Variants in IQSEC1 observed in about 807,000 individuals in gnomAD.
The protein encoded by IQSEC1 is IQ motif and SEC7 domain-containing protein 1.
Under a neutral mutation model 91.0 loss-of-function variants are expected in IQSEC1, and 31 were observed. That is an observed-to-expected ratio of 0.34 (90% CI 0.26 to 0.46). The LOEUF is 0.46. Ranked by LOEUF, IQSEC1 falls within the 20% of genes least tolerant of loss-of-function variation. IQSEC1 has a pLI of 1.00. For missense variants in IQSEC1, 1,388 were observed against 1,575.6 expected (o/e 0.88, Z 2.02); for synonymous variants, 699 against 662.6 (o/e 1.05, Z -0.84).
chr3:13,043,466 T>TGA (rs1704364625), intron 1 of IQSEC1, among the ~76,000 whole-genome samples: 2 of 152,288 alleles, frequency 1.3e-5, no homozygotes, highest in East Asian at 3.9e-4. Context: ...TTCCATGCAG[T>TGA]CTGCTCTCGG....
intron 2 of IQSEC1, among the ~76,000 whole-genome samples, chr3:13,132,285 T>C (rs2124919713): frequency 6.6e-6 from 1 of 152,374 alleles, no homozygotes; most frequent in South Asian, 2.1e-4. Flanking sequence ...CAACACTTTA[T>C]GAATCGTGAG....
At chr3:13,183,174 TAAACAAACAAACAAAC>T (rs60302548) in intron 1 of IQSEC1, among the ~76,000 whole-genome samples, 30 of 143,698 alleles carry the variant, frequency 2.1e-4, no homozygotes, top group African/African-American at 5.5e-4. Flanking sequence ...CACCAATAAA[TAAACAAACAAACAAAC>T]AAACAAACAA....
intron 2 of IQSEC1, among the ~76,000 whole-genome samples, chr3:13,132,071 T>C (rs1394582567): frequency 6.6e-6 from 1 of 152,236 alleles, no homozygotes; most frequent in Non-Finnish European, 1.5e-5. Context: ...AACTGTTCAC[T>C]GGATGCCAGA....
At chr3:13,035,030 A>G (rs1703984080) in intron 1 of IQSEC1, among the ~76,000 whole-genome samples, 1 of 152,124 alleles carries the variant, frequency 6.6e-6, no homozygotes, top group Admixed American at 6.5e-5. Context: ...CTCCTCCTCC[A>G]CTGACATCCC....
intron 1 of IQSEC1, among the ~76,000 whole-genome samples, chr3:12,972,581 C>T (rs914658994): frequency 3.9e-5 from 6 of 152,224 alleles, no homozygotes; most frequent in African/African-American, 4.8e-5. Flanking sequence ...ATTCATCTTA[C>T]GAAATGAGCA....
intron 1 of IQSEC1, among the ~76,000 whole-genome samples, chr3:13,174,944 G>C (rs1693698330): frequency 6.6e-6 from 1 of 151,838 alleles, no homozygotes; most frequent in Non-Finnish European, 1.5e-5. Context: ...CCTGGCTCCT[G>C]CTGGTCCCTC....
chr3:13,094,713 C>T (rs1705925349), intron 2 of IQSEC1, among the ~76,000 whole-genome samples: 1 of 152,172 alleles, frequency 6.6e-6, no homozygotes, highest in Admixed American at 6.5e-5. Context: ...GGACAGAGGG[C>T]TGCAGGGCTC....
At chr3:12,929,316 A>G (rs1468826664) in intron 3 of IQSEC1, among the ~76,000 whole-genome samples, 1 of 152,158 alleles carries the variant, frequency 6.6e-6, no homozygotes, top group African/African-American at 2.4e-5. Flanking sequence ...GGCTAGAAGA[A>G]CTCACCCGGG....
chr3:13,108,280 T>C (rs1051366887), intron 2 of IQSEC1, among the ~76,000 whole-genome samples: 1 of 152,226 alleles, frequency 6.6e-6, no homozygotes, highest in Non-Finnish European at 1.5e-5. Context: ...AATCATGACA[T>C]GGAATCCCTA....
chr3:13,047,433 C>G, intron 1 of IQSEC1: 1 of 973,682 alleles, frequency 1.0e-6, no homozygotes, highest in Non-Finnish European at 1.2e-6. Context: ...CAGTGAGGAC[C>G]TAAGGAGATC....
At chr3:13,200,480 AC>A (rs1240202664) in intron 1 of IQSEC1, among the ~76,000 whole-genome samples, 1 of 151,696 alleles carries the variant, frequency 6.6e-6, no homozygotes, top group Non-Finnish European at 1.5e-5. Flanking sequence ...TCTGTAACCA[AC>A]AACAACCTGA....
chr3:13,268,799 C>G (rs1425351922), intron 1 of IQSEC1, among the ~76,000 whole-genome samples: 1 of 152,084 alleles, frequency 6.6e-6, no homozygotes, highest in East Asian at 1.9e-4. Flanking sequence ...TAAATTTGGG[C>G]AGTTTGGTAG....
At chr3:13,146,195 C>T (rs892574816) in intron 2 of IQSEC1, among the ~76,000 whole-genome samples, 2 of 151,872 alleles carry the variant, frequency 1.3e-5, no homozygotes, top group South Asian at 4.2e-4. Context: ...CTATGTTGCC[C>T]AGGCTGGTCT....
chr3:12,938,049 C>T (rs1698361671), intron 2 of IQSEC1, among the ~76,000 whole-genome samples: 1 of 152,232 alleles, frequency 6.6e-6, no homozygotes, highest in African/African-American at 2.4e-5. Context: ...ACTCCCTGCA[C>T]CTTGCTCCTG....
Position 13,103,996 on chromosome 3 carries a change from C to T in IQSEC1, c.303-56474G>A, listed in dbSNP as rs534787054. On this transcript the variant is annotated intron_variant, in intron 2 of 15. Coordinates refer to the IQSEC1 transcript ENST00000648114. The surrounding 1 kb of genome is among the most constrained non-coding windows in gnomAD (Gnocchi z 4.1). ...TTTTATAGATGGGAAAACTCAGGCA[C>T]AGAGAGTTTCAATGACTTGCCCAAG... Among the ~76,000 whole-genome samples, 13 of 152,258 alleles carry T rather than the reference C, an allele frequency of 8.5e-5. No homozygotes were observed. The East Asian group carries it at 9.6e-4, about 11-fold the overall frequency.
intron 1 of IQSEC1, among the ~76,000 whole-genome samples, chr3:12,995,378 G>A (rs1473662005): frequency 6.6e-6 from 1 of 152,256 alleles, no homozygotes; most frequent in African/African-American, 2.4e-5. Context: ...ATCTGGGTCA[G>A]GTGAGAATGG....
intron 1 of IQSEC1, among the ~76,000 whole-genome samples, chr3:13,036,441 T>C (rs1165531639): frequency 2.0e-5 from 3 of 152,074 alleles, no homozygotes; most frequent in Admixed American, 6.6e-5. Flanking sequence ...AAAGTAATAA[T>C]AATAAACAAA....
chr3:12,905,798 T>C (rs914798784), intron 12 of IQSEC1, among the ~76,000 whole-genome samples: 7 of 152,234 alleles, frequency 4.6e-5, no homozygotes, highest in Non-Finnish European at 1.0e-4. Context: ...GACTCAGAGC[T>C]GGGCAGCTTG....
intron 2 of IQSEC1, among the ~76,000 whole-genome samples, chr3:13,089,221 T>A (rs1705794437): frequency 6.6e-6 from 1 of 152,258 alleles, no homozygotes; most frequent in Non-Finnish European, 1.5e-5. Context: ...AACCCAAGTG[T>A]GCATCAACAG....
Sources: allele counts gnomAD v4.1 joint callset (sites outside exome capture counted in the v4.1 genomes callset), GRCh38; gene constraint gnomAD v4.1.1; non-coding constraint Gnocchi (gnomAD v3.1); transcripts MANE v1.5; gene names NCBI Gene and HGNC (gene_info 2026-07-23, HGNC 2026-07-21).